PPM1H: variants seen among roughly 807,000 people sequenced by gnomAD.
PPM1H encodes the protein protein phosphatase 1H.
In PPM1H, 27 loss-of-function variants were observed where a neutral mutation model predicts 54.9. The observed-to-expected ratio is 0.49, with a 90% CI of 0.36 to 0.68. The LOEUF (loss-of-function observed/expected upper bound fraction) is 0.68, where lower values mean the gene tolerates loss of function less well. PPM1H is among the 30% of genes least tolerant of loss of function. The pLI, the probability that PPM1H is intolerant of heterozygous loss-of-function variation, is 0.00. For missense variants in PPM1H, 596 were observed against 667.8 expected (o/e 0.89, Z 1.19); for synonymous variants, 305 against 270.8 (o/e 1.13, Z -1.24).
chr12:62,749,989 T>C (rs536967879), intron 4 of PPM1H, among the ~76,000 whole-genome samples: 75 of 152,010 alleles, frequency 4.9e-4, no homozygotes, highest in African/African-American at 1.7e-3. Flanking sequence ...TGAAACCCAG[T>C]GCGCCAGCGC....
intron 1 of PPM1H, among the ~76,000 whole-genome samples, chr12:62,866,979 A>G (rs370879183): frequency 6.6e-6 from 1 of 151,750 alleles, no homozygotes; most frequent in Admixed American, 6.6e-5. Flanking sequence ...TCAAGGTTTC[A>G]CATACAGCAG....
chr12:62,674,776 A>T (rs1346747257), intron 8 of PPM1H, among the ~76,000 whole-genome samples: 1 of 152,248 alleles, frequency 6.6e-6, no homozygotes, highest in Non-Finnish European at 1.5e-5. Flanking sequence ...AGGAAGCTGC[A>T]GGGGCTAAAG....
intron 8 of PPM1H, among the ~76,000 whole-genome samples, chr12:62,676,764 G>A (rs1349990208): frequency 2.0e-5 from 3 of 152,192 alleles, no homozygotes; most frequent in Non-Finnish European, 2.9e-5. Context: ...GGCTCAAGGT[G>A]GGCCTGCAGG....
In PPM1H at chr12:62,689,750, C is replaced by T. The variant is rs2076073127; in HGVS notation, c.1194G>A (p.Lys398=). ...VTRGLGDHDL[K]VHDSNIYIKP... ...TAATGTAGATGTTGGAGTCATGCAC[C>T]TTCAGGTCATGGTCCCCAAGTCCCC... Residue 398 remains lysine (K), a synonymous_variant, in exon 8 of 10, where the codon AAG becomes AAA. Coordinates refer to ENST00000228705, the MANE Select transcript of PPM1H (RefSeq NM_020700.2). 6 of 1,613,790 alleles carry T rather than the reference C, an allele frequency of 3.7e-6. No individual in the cohort carries two copies. Among genetic ancestry groups the T allele is most frequent in the Admixed American group, 1.7e-5 (1 of 59,994 alleles).
chr12:62,898,886 A>C (rs1871076251), intron 1 of PPM1H, among the ~76,000 whole-genome samples: 1 of 152,216 alleles, frequency 6.6e-6, no homozygotes, highest in Non-Finnish European at 1.5e-5. Flanking sequence ...AAAACAGGAA[A>C]GTCAACCTTC....
chr12:62,692,847 G>A (rs1352576392), intron 7 of PPM1H, among the ~76,000 whole-genome samples: 1 of 151,894 alleles, frequency 6.6e-6, no homozygotes, highest in Non-Finnish European at 1.5e-5. Flanking sequence ...TCCTCCTTCT[G>A]TTGAGATGTC....
chr12:62,660,106 C>A (rs960130360), intron 9 of PPM1H, among the ~76,000 whole-genome samples: 1 of 152,190 alleles, frequency 6.6e-6, no homozygotes, highest in African/African-American at 2.4e-5. Flanking sequence ...ACTCATATTT[C>A]CATTTGGCAT....
intron 9 of PPM1H, among the ~76,000 whole-genome samples, chr12:62,664,600 T>C (rs1225343022): frequency 6.6e-6 from 1 of 152,254 alleles, no homozygotes; most frequent in Non-Finnish European, 1.5e-5. Flanking sequence ...TGCAATATTT[T>C]AGTTCTATCA....
intron 2 of PPM1H, among the ~76,000 whole-genome samples, chr12:62,830,422 A>G (rs1015222463): frequency 6.6e-6 from 1 of 151,908 alleles, no homozygotes; most frequent in Non-Finnish European, 1.5e-5. Flanking sequence ...TGCCCGGCTA[A>G]TTTTTTGTAT....
intron 9 of PPM1H, among the ~76,000 whole-genome samples, chr12:62,657,789 T>G (rs142794508): frequency 5.6e-4 from 86 of 152,322 alleles, no homozygotes; most frequent in African/African-American, 2.0e-3. Flanking sequence ...AATACTTGAA[T>G]TAACGCCTGT....
At chr12:62,854,273 T>C (rs1426675514) in intron 1 of PPM1H, among the ~76,000 whole-genome samples, 2 of 152,212 alleles carry the variant, frequency 1.3e-5, no homozygotes, top group African/African-American at 2.4e-5. Context: ...CCGCAATGGA[T>C]GGCCACCCCA....
At chr12:62,756,018 G>A in intron 4 of PPM1H, 1 of 1,414,724 alleles carries the variant, frequency 7.1e-7, no homozygotes, top group East Asian at 2.3e-5. Context: ...TGGTGAAGCA[G>A]GCGTCCGAGA....
chr12:62,755,801 T>G, intron 4 of PPM1H: 1 of 941,252 alleles, frequency 1.1e-6, no homozygotes, highest in Non-Finnish European at 1.7e-6. Flanking sequence ...GGATGGCCCC[T>G]CTGGGAAACT....
At chr12:62,834,359 TGCATGATGGTTAATCCTACC>T (rs1868438278) in intron 1 of PPM1H, among the ~76,000 whole-genome samples, 2 of 152,230 alleles carry the variant, frequency 1.3e-5, no homozygotes, top group Non-Finnish European at 1.5e-5. Flanking sequence ...TGAGGCTACC[TGCATGATGGTTAATCCTACC>T]GCATTTACTG....
intron 1 of PPM1H, among the ~76,000 whole-genome samples, chr12:62,917,167 G>T (rs1871651370): frequency 6.6e-6 from 1 of 152,252 alleles, no homozygotes; most frequent in Non-Finnish European, 1.5e-5. Context: ...ACACGTGGCT[G>T]CAGGGCCACG....
At chr12:62,766,820 A>AT (rs2076546864) in intron 4 of PPM1H, among the ~76,000 whole-genome samples, 2 of 152,248 alleles carry the variant, frequency 1.3e-5, no homozygotes, top group Admixed American at 1.3e-4. Context: ...TTCAGGCTTT[A>AT]CCAGGGATAG....
intron 8 of PPM1H, among the ~76,000 whole-genome samples, chr12:62,680,725 G>T (rs2076015015): frequency 6.6e-6 from 1 of 152,146 alleles, no homozygotes; most frequent in Admixed American, 6.5e-5. Context: ...GAGCCACCCA[G>T]CTGAACCCAG....
chr12:62,907,455 T>C (rs890565537), intron 1 of PPM1H, among the ~76,000 whole-genome samples: 11 of 152,206 alleles, frequency 7.2e-5, no homozygotes, highest in Admixed American at 7.2e-4. Flanking sequence ...TGCAGGCTCT[T>C]CCACTGTCCC....
intron 1 of PPM1H, among the ~76,000 whole-genome samples, chr12:62,928,438 G>A (rs4082126): frequency 0.086 from 13,072 of 152,162 alleles, 708 homozygotes; most frequent in East Asian, 0.21. Context: ...TCCTTACATG[G>A]TCAGTAGGAA....
Sources: gnomAD v4.1 joint callset for allele counts (sites outside exome capture counted in the v4.1 genomes callset) on GRCh38, gnomAD v4.1.1 for gene constraint, MANE v1.5 for transcripts, NCBI Gene and HGNC (gene_info 2026-07-23, HGNC 2026-07-21) for gene names.